Variants in SDK1 observed in about 807,000 individuals in gnomAD.
The protein encoded by SDK1 is protein sidekick-1.
In SDK1, 157 loss-of-function variants were observed where a neutral mutation model predicts 245.5. That is an observed-to-expected ratio of 0.64 (90% CI 0.56 to 0.73). SDK1 has a LOEUF of 0.73. Among genes scored for constraint, SDK1 ranks in the 30% least tolerant of loss-of-function variants. The pLI, the probability that SDK1 is intolerant of heterozygous loss-of-function variation, is 0.00. For missense variants in SDK1, 3,583 were observed against 3,002.3 expected (o/e 1.19, Z -4.52); for synonymous variants, 1,647 against 1,278.5 (o/e 1.29, Z -6.15).
chr7:3,307,739 G>C (rs1366233658), intron 1 of SDK1, among the ~76,000 whole-genome samples: 1 of 152,162 alleles, frequency 6.6e-6, no homozygotes, highest in African/African-American at 2.4e-5. Flanking sequence ...CTAAGTATCA[G>C]TAGGCCTCGT....
chr7:4,149,700 G>A (rs945893265), intron 30 of SDK1, among the ~76,000 whole-genome samples: 1 of 152,178 alleles, frequency 6.6e-6, no homozygotes. Context: ...GGTGTGCAGG[G>A]CTGGTTTGGT....
chr7:3,398,232 C>G (rs530750981), intron 1 of SDK1, among the ~76,000 whole-genome samples: 1 of 152,098 alleles, frequency 6.6e-6, no homozygotes, highest in East Asian at 1.9e-4. Context: ...CTAGAAATAC[C>G]GCCTTAAGTA....
At chr7:3,487,445 C>A (rs556033362) in intron 1 of SDK1, among the ~76,000 whole-genome samples, 31 of 151,838 alleles carry the variant, frequency 2.0e-4, no homozygotes, top group Non-Finnish European at 4.0e-4. Flanking sequence ...AAAAAAAAAT[C>A]TTAGAAATTG....
intron 4 of SDK1, among the ~76,000 whole-genome samples, chr7:3,700,431 A>G (rs566383079): frequency 1.3e-5 from 2 of 152,316 alleles, no homozygotes; most frequent in African/African-American, 4.8e-5. Flanking sequence ...TTGGTGTAGG[A>G]TAAGGGACTT....
In SDK1 at chr7:3,971,587, A is replaced by G; in HGVS notation, c.1817+19A>G. 1.3e-6 allele frequency: 2 copies of G among 1,551,050 alleles called. No homozygotes were observed. Among genetic ancestry groups the G allele is most frequent in the South Asian group, 1.1e-5 (1 of 88,050 alleles). On this transcript the variant is annotated intron_variant, in intron 12 of 44. Coordinates refer to ENST00000404826, the MANE Select transcript of SDK1 (RefSeq NM_152744.4). ...CACTCCGGTCAGCACAATCAGTTAC[A>G]ATGCTTTGGGGCTTGTTGATATTCT... is the stretch of plus-strand genomic sequence containing the variant.
chr7:3,423,377 A>G (rs971347897), intron 1 of SDK1, among the ~76,000 whole-genome samples: 1 of 152,254 alleles, frequency 6.6e-6, no homozygotes, highest in Non-Finnish European at 1.5e-5. Context: ...ACTTTTGAGC[A>G]GATTGGCTGA....
chr7:3,504,572 C>G (rs1299352601), intron 1 of SDK1, among the ~76,000 whole-genome samples: 2 of 152,076 alleles, frequency 1.3e-5, no homozygotes, highest in African/African-American at 4.8e-5. Flanking sequence ...TAAGAATAGT[C>G]TTGTCAGCAA....
At chr7:4,155,789 T>C (rs1780692780) in intron 30 of SDK1, among the ~76,000 whole-genome samples, 1 of 152,124 alleles carries the variant, frequency 6.6e-6, no homozygotes. Flanking sequence ...GAGCACCTCC[T>C]GGGTGTTCTT....
intron 4 of SDK1, among the ~76,000 whole-genome samples, chr7:3,693,521 C>T (rs2114998482): frequency 6.6e-6 from 1 of 152,292 alleles, no homozygotes; most frequent in East Asian, 1.9e-4. Flanking sequence ...GTCAGCTGAT[C>T]CATGCTTTTC....
chr7:3,714,496 C>A (rs1007472827), intron 4 of SDK1, among the ~76,000 whole-genome samples: 10 of 152,086 alleles, frequency 6.6e-5, no homozygotes, highest in South Asian at 6.2e-4. Flanking sequence ...TAAGTTTATC[C>A]CATTTGCTCA....
chr7:3,919,277 C>T (rs1039306304), intron 5 of SDK1, among the ~76,000 whole-genome samples: 17 of 152,288 alleles, frequency 1.1e-4, no homozygotes, highest in African/African-American at 4.1e-4. Context: ...GTTCCTCTGC[C>T]AAGGCAAGAT....
chr7:3,918,425 G>A lies in SDK1; in HGVS notation c.848-32498G>A, dbSNP rs111260879. ...ACGAACCCTATTGTGAGCTGTGCCC[G>A]CGAGGCATCTAGGTTACACACGCCT... On this transcript the variant is annotated intron_variant, in intron 5 of 44. Transcript: ENST00000404826. 2.8e-3 allele frequency among the ~76,000 whole-genome samples: 420 copies of A among 152,244 alleles called. 6 individuals are homozygous for A. The highest frequency in any genetic ancestry group is 7.5e-3 in the African/African-American group (312 of 41,532).
At chr7:3,550,586 C>A (rs943342464) in intron 1 of SDK1, among the ~76,000 whole-genome samples, 3 of 152,156 alleles carry the variant, frequency 2.0e-5, no homozygotes, top group African/African-American at 7.2e-5. Context: ...TGGTTCCTCT[C>A]CATCCTTAAT....
intron 34 of SDK1, among the ~76,000 whole-genome samples, chr7:4,176,314 A>G (rs912806669): frequency 3.3e-5 from 5 of 151,972 alleles, no homozygotes; most frequent in South Asian, 2.1e-4. Flanking sequence ...GGCTCATGCA[A>G]CCATGCCTGG....
intron 4 of SDK1, among the ~76,000 whole-genome samples, chr7:3,713,349 C>T (rs1375661558): frequency 6.6e-6 from 1 of 152,012 alleles, no homozygotes; most frequent in African/African-American, 2.4e-5. Context: ...AATCCTATTC[C>T]TCAAGAAAAG....
chr7:3,681,856 C>T (rs992187754), intron 4 of SDK1, among the ~76,000 whole-genome samples: 3 of 152,082 alleles, frequency 2.0e-5, no homozygotes, highest in Non-Finnish European at 4.4e-5. Context: ...TTTTCCGAAC[C>T]TCTTGGGACC....
rs977019527 is a variant in SDK1 at position 3,948,392 on chromosome 7, G to A, written c.848-2531G>A. 3.9e-4 allele frequency among the ~76,000 whole-genome samples: 59 copies of A among 151,652 alleles called. 1 individual carries two copies. Among genetic ancestry groups the A allele is most frequent in the Admixed American group, 2.5e-3 (38 of 15,206 alleles). The stretch of plus-strand genomic sequence containing the variant: ...CCTGCCTCAGTCTCCCGAGTAGCTG[G>A]GACTACAAGCATGTGCCACCACACC... On this transcript the variant is annotated intron_variant, in intron 5 of 44. Coordinates refer to ENST00000404826, the MANE Select transcript of SDK1 (RefSeq NM_152744.4).
chr7:3,980,752 G>T (rs923768791), intron 13 of SDK1, among the ~76,000 whole-genome samples: 2 of 152,232 alleles, frequency 1.3e-5, no homozygotes, highest in South Asian at 4.2e-4. Context: ...GACCAGCCTG[G>T]CCAAGATGGC....
At chr7:4,031,097 A>T (rs529545454) in intron 17 of SDK1, among the ~76,000 whole-genome samples, 1 of 152,264 alleles carries the variant, frequency 6.6e-6, no homozygotes, top group East Asian at 1.9e-4. Flanking sequence ...ATGCACACAC[A>T]TGCATGTGGA....
Sources: allele counts gnomAD v4.1 joint callset (sites outside exome capture counted in the v4.1 genomes callset), GRCh38; gene constraint gnomAD v4.1.1; transcripts MANE v1.5; gene names NCBI Gene and HGNC (gene_info 2026-07-23, HGNC 2026-07-21).